Variants in CCN4 observed in about 807,000 individuals in gnomAD.
CCN4 encodes the protein CCN family member 4.
A neutral mutation model predicts 36.7 loss-of-function variants in CCN4; 30 were observed. The observed-to-expected ratio is 0.82, with a 90% CI of 0.61 to 1.11. The LOEUF (loss-of-function observed/expected upper bound fraction) is 1.11. Ranked by LOEUF, CCN4 falls within the 50% of genes least tolerant of loss-of-function variation. The pLI is 0.00. For missense variants in CCN4, 505 were observed against 504.9 expected (o/e 1.00, Z 0.00); for synonymous variants, 191 against 195.4 (o/e 0.98, Z 0.19).
In CCN4 at chr8:133,206,626, CAG is replaced by C. The variant is rs371950189; in HGVS notation, c.70-6228_70-6227del. Among the ~76,000 whole-genome samples, 24 of 152,192 alleles carry C rather than the reference CAG, an allele frequency of 1.6e-4. No individual in the cohort carries two copies. In the East Asian group the frequency reaches 2.9e-3, roughly 18 times the overall value. On this transcript the variant is annotated intron_variant, in intron 1 of 4. Transcript: ENST00000250160. ...CGCATGTGTGTGTGTATGACAGAGA[CAG>C]AGAGAGAGACCCTACACTGGCCTTC... is the stretch of plus-strand genomic sequence containing the variant.
chr8:133,213,281 G>T (rs1854135267), intron 2 of CCN4, 138 bp downstream of exon 2: 5 of 1,098,578 alleles, frequency 4.6e-6, no homozygotes, highest in South Asian at 3.3e-5. Flanking sequence ...CATGATCAGA[G>T]GCCAGAGGCT....
chr8:133,210,156 G>A lies in CCN4; in HGVS notation c.70-2708G>A, dbSNP rs565735684. ...GTGTGCTCTGTGCTGTGTTTCAGGC[G>A]CACAGAGAGATGCAAGGCCCGGGCC... is the stretch of plus-strand genomic sequence containing the variant. On this transcript the variant is annotated intron_variant, in intron 1 of 4. Coordinates refer to ENST00000250160, the MANE Select transcript of CCN4 (RefSeq NM_003882.4). 2.2e-4 allele frequency among the ~76,000 whole-genome samples: 33 copies of A among 152,240 alleles called. 1 individual carries two copies. In the South Asian group the frequency reaches 3.5e-3, roughly 16 times the overall value.
chr8:133,208,669 G>A (rs188180140), intron 1 of CCN4, among the ~76,000 whole-genome samples: 350 of 152,168 alleles, frequency 2.3e-3, no homozygotes, highest in African/African-American at 8.0e-3. Context: ...GGGTCCTTGC[G>A]CATTGGGTAC....
At chr8:133,194,389 G>GTGC (rs1853241169) in intron 1 of CCN4, among the ~76,000 whole-genome samples, 1 of 117,944 alleles carries the variant, frequency 8.5e-6, no homozygotes, top group Admixed American at 8.3e-5. Flanking sequence ...GTGTGTGTGT[G>GTGC]GTGTGTGGGG....
intron 1 of CCN4, among the ~76,000 whole-genome samples, chr8:133,208,993 A>C (rs748776985): frequency 6.6e-6 from 1 of 152,172 alleles, no homozygotes; most frequent in Non-Finnish European, 1.5e-5. Context: ...TGTTGGCCTC[A>C]CTAGGTGGGG....
chr8:133,213,979 ATAG>A (rs72242156), intron 2 of CCN4, among the ~76,000 whole-genome samples: 1,257 of 59,524 alleles, frequency 0.021, 8 homozygotes, highest in Middle Eastern at 0.068. Flanking sequence ...TACACTATAT[ATAG>A]TAGTTATATA....
At chr8:133,204,374 G>A (rs139326910) in intron 1 of CCN4, among the ~76,000 whole-genome samples, 278 of 152,316 alleles carry the variant, frequency 1.8e-3, no homozygotes, top group Non-Finnish European at 3.2e-3. Flanking sequence ...GAACATGGGT[G>A]TGGGTTGTAC....
intron 1 of CCN4, among the ~76,000 whole-genome samples, chr8:133,210,147 GT>G (rs1379157403): frequency 6.6e-6 from 1 of 152,168 alleles, no homozygotes; most frequent in East Asian, 1.9e-4. Flanking sequence ...TCTGTGCTGT[GT>G]TTCAGGCGCA....
intron 1 of CCN4, among the ~76,000 whole-genome samples, chr8:133,199,097 A>G (rs1853492493): frequency 1.3e-5 from 2 of 152,176 alleles, no homozygotes; most frequent in Non-Finnish European, 2.9e-5. Flanking sequence ...CTGGGGAGGA[A>G]AAGGAGGGAA....
chr8:133,214,633 G>T (rs1200964405), intron 2 of CCN4, among the ~76,000 whole-genome samples: 1 of 151,988 alleles, frequency 6.6e-6, no homozygotes, highest in Non-Finnish European at 1.5e-5. Flanking sequence ...CCCTGCTTCT[G>T]TCCGGACTTG....
intron 1 of CCN4, among the ~76,000 whole-genome samples, chr8:133,198,848 C>T (rs1344400681): frequency 6.6e-6 from 1 of 152,252 alleles, no homozygotes; most frequent in Non-Finnish European, 1.5e-5. Flanking sequence ...CCTGTGCCCT[C>T]AGGCCCCAGG....
rs200522670 is a variant in CCN4 at position 133,225,506 on chromosome 8, G to A, written c.727G>A (p.Ala243Thr). 8 of 1,613,868 alleles carry A rather than the reference G, an allele frequency of 5.0e-6. No individual in the cohort carries two copies. Among genetic ancestry groups the A allele is most frequent in the South Asian group, 3.3e-5 (3 of 91,066 alleles). Residue 243 changes from alanine (A) to threonine (T), a missense_variant, in exon 4 of 5, where the codon GCC becomes ACC. Ala to Thr is a moderately conservative substitution (Grantham distance 58). Coordinates refer to ENST00000250160, the MANE Select transcript of CCN4 (RefSeq NM_003882.4). ...CTCCACTCGGATCTCCAATGTTAAC[G>A]CCCAGTGCTGGCCTGAGCAAGAGAG... ...GVSTRISNVN[A>T]QCWPEQESRL...
At chr8:133,203,116 A>G (rs1469548007) in intron 1 of CCN4, among the ~76,000 whole-genome samples, 1 of 152,194 alleles carries the variant, frequency 6.6e-6, no homozygotes, top group East Asian at 1.9e-4. Context: ...AAACAGGGCA[A>G]GCCAAGGCCT....
rs763355303 is a variant in CCN4, at chr8:133,220,858, G to A, written c.610+17G>A. 6.3e-7 allele frequency: 1 copy of A among 1,588,000 alleles called. No homozygotes were observed. Among genetic ancestry groups the A allele is most frequent in the Non-Finnish European group, 8.6e-7 (1 of 1,162,400 alleles). On this transcript the variant is annotated intron_variant, in intron 3 of 4. Transcript: ENST00000250160. ...GAGCCTTCGGTGGGTGTGGGCCCGA[G>A]TGGGCTGGGGGTGGGACCCTACAAA...
intron 1 of CCN4, among the ~76,000 whole-genome samples, chr8:133,192,631 G>C (rs1345574444): frequency 6.6e-6 from 1 of 152,216 alleles, no homozygotes; most frequent in Non-Finnish European, 1.5e-5. Flanking sequence ...GAGCTAAGTC[G>C]CTGTTTATTT....
chr8:133,220,466 T>C, intron 2 of CCN4, 115 bp from the exon 3 acceptor site: 1 of 1,463,846 alleles, frequency 6.8e-7, no homozygotes, highest in South Asian at 1.3e-5. Flanking sequence ...TCCTCCTCCA[T>C]GCTGGGAGCC....
intron 1 of CCN4, among the ~76,000 whole-genome samples, chr8:133,192,100 G>C (rs1456096594): frequency 1.3e-5 from 2 of 152,192 alleles, no homozygotes; most frequent in African/African-American, 4.8e-5. Context: ...ACAGCCCAGG[G>C]CAGGACCTGC....
At chr8:133,215,137 A>C (rs567410038) in intron 2 of CCN4, among the ~76,000 whole-genome samples, 7 of 152,222 alleles carry the variant, frequency 4.6e-5, no homozygotes, top group Non-Finnish European at 8.8e-5. Context: ...GAGAACTTGC[A>C]GCATCCGCTG....
At chr8:133,225,624 A>C in intron 4 of CCN4, 41 bp downstream of exon 4, 1 of 1,491,328 alleles carries the variant, frequency 6.7e-7, no homozygotes. Flanking sequence ...CTTCACAAGC[A>C]GACAAATATG....
Sources: allele counts gnomAD v4.1 joint callset (sites outside exome capture counted in the v4.1 genomes callset), GRCh38; gene constraint gnomAD v4.1.1; transcripts MANE v1.5; gene names NCBI Gene and HGNC (gene_info 2026-07-23, HGNC 2026-07-21).